The following MARCHF6 variants were observed in gnomAD, a reference collection of about 807,000 sequenced individuals.
The protein encoded by MARCHF6 is E3 ubiquitin-protein ligase MARCHF6.
A neutral mutation model predicts 133.7 loss-of-function variants in MARCHF6; 31 were observed. That is an observed-to-expected ratio of 0.23 (90% CI 0.17 to 0.31). The LOEUF (loss-of-function observed/expected upper bound fraction) is 0.31, where lower values mean the gene tolerates loss of function less well. MARCHF6 is among the 10% of genes least tolerant of loss of function. The pLI is 1.00. For synonymous variants in MARCHF6, 395 were observed against 402.5 expected (o/e 0.98, Z 0.22); for missense variants, 723 against 1,121.6 (o/e 0.64, Z 5.08).
At chr5:10,433,062 G>A (rs1425795227) in intron 25 of MARCHF6, among the ~76,000 whole-genome samples, 1 of 151,988 alleles carries the variant, frequency 6.6e-6, no homozygotes, top group Non-Finnish European at 1.5e-5. Flanking sequence ...AGCTAATTTT[G>A]TATTTTTAGT....
intron 5 of MARCHF6, among the ~76,000 whole-genome samples, chr5:10,388,390 A>T (rs980051362): frequency 6.6e-6 from 1 of 152,122 alleles, no homozygotes; most frequent in Non-Finnish European, 1.5e-5. Flanking sequence ...AAATTTCCTT[A>T]ATGTCTTACC....
intron 1 of MARCHF6, among the ~76,000 whole-genome samples, chr5:10,368,007 T>C (rs1172234172): frequency 6.6e-6 from 1 of 152,204 alleles, no homozygotes; most frequent in African/African-American, 2.4e-5. Context: ...TTCATAATTT[T>C]ACTGCATACG....
intron 16 of MARCHF6, among the ~76,000 whole-genome samples, chr5:10,406,590 A>C (rs1738908163): frequency 6.6e-6 from 1 of 151,948 alleles, no homozygotes; most frequent in Non-Finnish European, 1.5e-5. Context: ...GGGTTTCACT[A>C]TGTTGGCCAG....
Position 10,404,076 on chromosome 5 carries a change from T to TTTATTTACTTAC in MARCHF6, c.1332+538_1332+539insTTTACTTACTTA, listed in dbSNP as rs1455930593. ...ATTTATTTATTTATTTATTTATTTA[T>TTTATTTACTTAC]TTACTTATTTACTTTTTGATACTGA... On this transcript the variant is annotated intron_variant, in intron 15 of 25. Transcript: ENST00000274140. Among the ~76,000 whole-genome samples the TTTATTTACTTAC allele has an allele frequency of 6.6e-5, 9 of 136,210 alleles. 1 individual carries two copies. In the Admixed American group the frequency reaches 6.7e-4, roughly 10 times the overall value. 89.4% of individuals were successfully genotyped at this position (136,210 alleles called of 152,430 possible).
chr5:10,384,072 A>T (rs1357417978), intron 4 of MARCHF6, among the ~76,000 whole-genome samples: 1 of 152,206 alleles, frequency 6.6e-6, no homozygotes, highest in Non-Finnish European at 1.5e-5. Context: ...TCTTTTCAGT[A>T]AATGGTATGG....
intron 19 of MARCHF6, chr5:10,413,219 A>T (rs1380337557): frequency 6.6e-6 from 1 of 152,264 alleles, no homozygotes; most frequent in East Asian, 1.9e-4. Flanking sequence ...CAGATCTCAT[A>T]GTCAGCTCCC....
intron 1 of MARCHF6, among the ~76,000 whole-genome samples, chr5:10,357,230 TTA>T (rs1346241280): frequency 2.4e-5 from 3 of 125,050 alleles, no homozygotes; most frequent in Non-Finnish European, 3.5e-5. Context: ...TTTTTTTTTT[TTA>T]AAGGAAAAGC....
chr5:10,405,966 T>C (rs1324530880), intron 16 of MARCHF6, among the ~76,000 whole-genome samples: 1 of 152,054 alleles, frequency 6.6e-6, no homozygotes, highest in Non-Finnish European at 1.5e-5. Flanking sequence ...GCATGTCCCG[T>C]TAGGAATGGC....
chr5:10,399,807 T>G (rs564740137), intron 10 of MARCHF6, among the ~76,000 whole-genome samples: 5 of 152,264 alleles, frequency 3.3e-5, no homozygotes, highest in African/African-American at 1.2e-4. Flanking sequence ...TAATCTAGAG[T>G]ACTCTTCTCT....
intron 1 of MARCHF6, among the ~76,000 whole-genome samples, chr5:10,369,539 A>T (rs1176506004): frequency 2.6e-5 from 4 of 151,594 alleles, no homozygotes; most frequent in Non-Finnish European, 5.9e-5. Flanking sequence ...CTTATTTAAT[A>T]TCTATTTTGA....
chr5:10,386,914 T>G (rs1189957397), intron 4 of MARCHF6, 80 bp from the exon 5 acceptor site: 2 of 1,039,278 alleles, frequency 1.9e-6, no homozygotes, highest in Non-Finnish European at 3.0e-6. Context: ...GGCGTTCCAC[T>G]TTACCTCTGC....
chr5:10,384,067 T>C (rs780621185), intron 4 of MARCHF6, among the ~76,000 whole-genome samples: 1 of 152,112 alleles, frequency 6.6e-6, no homozygotes, highest in African/African-American at 2.4e-5. Flanking sequence ...GATGGTCTTT[T>C]CAGTAAATGG....
chr5:10,406,904 C>T (rs1016973279), intron 16 of MARCHF6, among the ~76,000 whole-genome samples, 198 bp from the exon 17 acceptor site: 6 of 152,132 alleles, frequency 3.9e-5, no homozygotes, highest in African/African-American at 1.4e-4. Context: ...GAGGTCCTTA[C>T]AGGAAGAGGG....
chr5:10,433,554 A>C (rs1444981845), intron 25 of MARCHF6, 40 bp from the exon 26 acceptor site: 5 of 1,418,238 alleles, frequency 3.5e-6, no homozygotes, highest in Admixed American at 3.3e-5. Flanking sequence ...TACTCTGTAC[A>C]TTCATAGAAG....
intron 1 of MARCHF6, among the ~76,000 whole-genome samples, chr5:10,366,152 G>A (rs914219621): frequency 4.6e-5 from 7 of 151,936 alleles, no homozygotes; most frequent in Non-Finnish European, 7.4e-5. Context: ...GGCTGGTTTC[G>A]AACTTCTGGA....
intron 1 of MARCHF6, among the ~76,000 whole-genome samples, chr5:10,374,416 C>G (rs1310557542): frequency 6.6e-6 from 1 of 152,130 alleles, no homozygotes; most frequent in Non-Finnish European, 1.5e-5. Flanking sequence ...GGCTCTTCTT[C>G]CCTGAGTTTC....
At chr5:10,429,857 A>G in intron 24 of MARCHF6, 36 bp from the exon 25 acceptor site, 1 of 1,586,398 alleles carries the variant, frequency 6.3e-7, no homozygotes, top group Non-Finnish European at 8.6e-7. Context: ...CTGTTATTTC[A>G]CATACACTGA....
chr5:10,381,558 A>G (rs142030256), intron 3 of MARCHF6, among the ~76,000 whole-genome samples: 1 of 152,290 alleles, frequency 6.6e-6, no homozygotes, highest in East Asian at 1.9e-4. Flanking sequence ...GTGAACATCT[A>G]TTGAATTTTT....
chr5:10,426,578 T>C, intron 24 of MARCHF6, 56 bp downstream of exon 24: 1 of 1,577,426 alleles, frequency 6.3e-7, no homozygotes, highest in Non-Finnish European at 8.7e-7. Flanking sequence ...CATTGGACAT[T>C]CTCTTTACCC....
Sources: allele counts gnomAD v4.1 joint callset (sites outside exome capture counted in the v4.1 genomes callset), GRCh38; gene constraint gnomAD v4.1.1; transcripts MANE v1.5; gene names NCBI Gene and HGNC (gene_info 2026-07-23, HGNC 2026-07-21).